GMDS: variants seen among roughly 807,000 people sequenced by gnomAD.
GMDS encodes the protein GDP-mannose 4,6 dehydratase.
GMDS carries 20 observed loss-of-function variants against 49.9 expected under a neutral mutation model. The ratio of observed to expected loss-of-function variants is 0.40; its 90% CI spans 0.28 to 0.58. The LOEUF (loss-of-function observed/expected upper bound fraction) is 0.58, where lower values mean the gene tolerates loss of function less well. Among genes scored for constraint, GMDS ranks in the 20% least tolerant of loss-of-function variants. The probability of loss-of-function intolerance (pLI) is 0.42; values close to 1 mark genes in which losing one functional copy is unlikely to be tolerated. For synonymous variants in GMDS, 177 were observed against 178.6 expected (o/e 0.99, Z 0.07); for missense variants, 362 against 481.4 (o/e 0.75, Z 2.32).
chr6:2,196,866 T>A (rs533027850), intron 1 of GMDS, among the ~76,000 whole-genome samples: 1 of 152,328 alleles, frequency 6.6e-6, no homozygotes, highest in African/African-American at 2.4e-5. Context: ...CATACCTTTA[T>A]CTTCAAGCTT....
chr6:2,125,365 G>A (rs1383326961), intron 1 of GMDS, among the ~76,000 whole-genome samples: 2 of 152,148 alleles, frequency 1.3e-5, no homozygotes, highest in African/African-American at 2.4e-5. Context: ...CTGGACACAA[G>A]TGATCTTCCC....
chr6:1,653,109 C>T (rs373794248), intron 9 of GMDS, among the ~76,000 whole-genome samples: 3 of 151,930 alleles, frequency 2.0e-5, no homozygotes, highest in Non-Finnish European at 2.9e-5. Context: ...CCTCCACAGA[C>T]CCCCGTGGCA....
intron 2 of GMDS, among the ~76,000 whole-genome samples, chr6:2,122,519 G>C (rs1775196581): frequency 6.7e-6 from 1 of 149,658 alleles, no homozygotes. Flanking sequence ...TCAATAATCA[G>C]GGACTGCAGC....
chr6:2,041,718 C>T (rs1255463090), intron 4 of GMDS, among the ~76,000 whole-genome samples: 2 of 152,098 alleles, frequency 1.3e-5, no homozygotes, highest in Non-Finnish European at 2.9e-5. Context: ...GCTGAACATA[C>T]TGCTTGATAC....
intron 9 of GMDS, among the ~76,000 whole-genome samples, chr6:1,709,654 C>A (rs1765877706): frequency 6.6e-6 from 1 of 152,186 alleles, no homozygotes; most frequent in Admixed American, 6.5e-5. Flanking sequence ...GCCTTGGCTC[C>A]TCTGTTCCCC....
chr6:1,859,147 C>T (rs1443304426), intron 7 of GMDS, among the ~76,000 whole-genome samples: 1 of 152,164 alleles, frequency 6.6e-6, no homozygotes. Context: ...GCAGCTCTTG[C>T]TGACATCCAG....
intron 9 of GMDS, among the ~76,000 whole-genome samples, chr6:1,665,325 G>A (rs570409716): frequency 7.9e-5 from 12 of 152,282 alleles, no homozygotes; most frequent in South Asian, 6.2e-4. Context: ...TTCCTTGTTT[G>A]AAGGAGGTAA....
At chr6:1,630,610 T>C (rs1328894459) in intron 9 of GMDS, among the ~76,000 whole-genome samples, 1 of 152,222 alleles carries the variant, frequency 6.6e-6, no homozygotes, top group Non-Finnish European at 1.5e-5. Flanking sequence ...TGCCTACTCA[T>C]AGGTAGGTGT....
At chr6:2,039,884 TTTATTATC>T (rs1769552688) in intron 4 of GMDS, among the ~76,000 whole-genome samples, 1 of 152,242 alleles carries the variant, frequency 6.6e-6, no homozygotes, top group Admixed American at 6.5e-5. Flanking sequence ...AGTATAGTCA[TTTATTATC>T]AAGTATTATG....
intron 4 of GMDS, among the ~76,000 whole-genome samples, chr6:2,025,857 T>C (rs187565847): frequency 2.1e-3 from 314 of 152,254 alleles, no homozygotes; most frequent in African/African-American, 7.5e-3. Context: ...GCCTGAATAA[T>C]CAGCTCTGTA....
chr6:2,237,295 G>A (rs1781403993), intron 1 of GMDS, among the ~76,000 whole-genome samples: 2 of 152,174 alleles, frequency 1.3e-5, no homozygotes, highest in South Asian at 4.1e-4. Context: ...GACTAGGTTT[G>A]GCACATTGGT....
At chr6:2,082,631 A>G (rs1476484355) in intron 4 of GMDS, among the ~76,000 whole-genome samples, 1 of 152,256 alleles carries the variant, frequency 6.6e-6, no homozygotes, top group African/African-American at 2.4e-5. Flanking sequence ...CATCTAAAAC[A>G]GTGTTTTTCA....
At chr6:2,090,289 T>C (rs949198807) in intron 4 of GMDS, among the ~76,000 whole-genome samples, 11 of 152,204 alleles carry the variant, frequency 7.2e-5, no homozygotes, top group African/African-American at 2.4e-4. Context: ...AAATACCTGG[T>C]CCCAAATCCG....
At chr6:1,671,864 C>T (rs926634476) in intron 9 of GMDS, among the ~76,000 whole-genome samples, 1 of 152,048 alleles carries the variant, frequency 6.6e-6, no homozygotes, top group Non-Finnish European at 1.5e-5. Flanking sequence ...AGGGTTTCAC[C>T]ATGTTGGCCA....
intron 7 of GMDS, among the ~76,000 whole-genome samples, chr6:1,775,735 T>C (rs531472992): frequency 6.6e-6 from 1 of 152,356 alleles, no homozygotes; most frequent in Non-Finnish European, 1.5e-5. Flanking sequence ...GTTTTTCTTC[T>C]AGAAACTTCT....
chr6:1,718,767 T>C (rs1323059773), intron 9 of GMDS, among the ~76,000 whole-genome samples: 3 of 149,238 alleles, frequency 2.0e-5, no homozygotes, highest in Non-Finnish European at 3.0e-5. Context: ...TTTTCATATA[T>C]ATACATATAT....
chr6:2,029,557 A>T (rs186166435), intron 4 of GMDS, among the ~76,000 whole-genome samples: 10 of 152,348 alleles, frequency 6.6e-5, no homozygotes, highest in Admixed American at 5.2e-4. Context: ...CTGCACCTGC[A>T]GTCCAGCCCA....
chr6:1,757,025 C>G (rs1043698355), intron 7 of GMDS, among the ~76,000 whole-genome samples: 1 of 152,114 alleles, frequency 6.6e-6, no homozygotes, highest in African/African-American at 2.4e-5. Context: ...GTAGCCATCT[C>G]TAGAAAAAAA....
intron 9 of GMDS, among the ~76,000 whole-genome samples, chr6:1,652,831 G>A (rs1027413290): frequency 1.5e-5 from 2 of 133,664 alleles, no homozygotes; most frequent in East Asian, 2.2e-4. Flanking sequence ...CCTCCTGTCC[G>A]GACCTGCTGT....
Sources: gnomAD v4.1 joint callset for allele counts (sites outside exome capture counted in the v4.1 genomes callset) on GRCh38, gnomAD v4.1.1 for gene constraint, MANE v1.5 for transcripts, NCBI Gene and HGNC (gene_info 2026-07-23, HGNC 2026-07-21) for gene names.